Variants in PEA15 observed in about 807,000 individuals in gnomAD.
The protein encoded by PEA15 is astrocytic phosphoprotein PEA-15.
For synonymous variants in PEA15, 60 were observed against 61.8 expected (o/e 0.97, Z 0.13); for missense variants, 77 against 161.3 (o/e 0.48, Z 2.83).
intron 2 of PEA15, among the ~76,000 whole-genome samples, chr1:160,212,848 T>C (rs567447881): frequency 8.5e-5 from 13 of 152,262 alleles, no homozygotes; most frequent in Non-Finnish European, 1.6e-4. Flanking sequence ...GGAGCTAGTA[T>C]CTAAGCTAAA....
intron 1 of PEA15, among the ~76,000 whole-genome samples, chr1:160,209,793 C>T (rs888064136): frequency 1.3e-5 from 2 of 152,182 alleles, no homozygotes; most frequent in East Asian, 1.9e-4. Flanking sequence ...ACCCGTACCC[C>T]CCTCCTTCTG....
intron 1 of PEA15, among the ~76,000 whole-genome samples, chr1:160,207,844 T>C (rs1027353167): frequency 6.6e-5 from 10 of 152,156 alleles, no homozygotes; most frequent in Non-Finnish European, 1.0e-4. Flanking sequence ...CCCCTCTGCC[T>C]CTCCGTGATT....
rs1433406141 is a variant in PEA15 at position 160,208,521 on chromosome 1, A to G, written c.-3+2999A>G. On this transcript the variant is annotated intron_variant, in intron 1 of 3. Transcript: ENST00000360472. The surrounding 1 kb of genome is among the most constrained non-coding windows in gnomAD (Gnocchi z 4.1). ...TGAGCAGCTCTCTGCACTGCTCCAG[A>G]AATCAGGAGGATTTTTCAGAGCCCA... 1.5e-6 allele frequency: 2 copies of G among 1,298,222 alleles called. No homozygotes were observed. The highest frequency in any genetic ancestry group is 2.9e-5 in the African/African-American group (2 of 68,240). 80.4% of individuals were successfully genotyped at this position (1,298,222 alleles called of 1,614,324 possible). A position where few individuals can be genotyped will look rare whatever the true frequency, so the allele number is the denominator to read the frequency against.
rs1382252502 is a variant in PEA15 at position 160,215,137 on chromosome 1, C to T, written c.*1651C>T. ...CTGTCCTTCCATTTGGGATATGTTA[C>T]ATTAGAGTGAGAGAGAGAATAAGGA... On this transcript the variant is annotated 3_prime_UTR_variant, in exon 4 of 4. Coordinates refer to ENST00000360472, the MANE Select transcript of PEA15 (RefSeq NM_003768.5). 1 of 152,544 alleles carries T rather than the reference C, an allele frequency of 6.6e-6. No individual in the cohort carries two copies. The highest frequency in any genetic ancestry group is 1.9e-4 in the East Asian group (1 of 5,194). 9.4% of individuals were successfully genotyped at this position (152,544 alleles called of 1,614,324 possible).
chr1:160,208,739 A>G lies in PEA15; in HGVS notation c.-2-2804A>G. The stretch of plus-strand genomic sequence containing the variant: ...CTCCCTTTGCTTCTTCTGCCATACT[A>G]AGGCCTAGGCAAATGGATCTCTCCA... On this transcript the variant is annotated intron_variant, in intron 1 of 3. Transcript: ENST00000360472. The surrounding 1 kb of genome is among the most constrained non-coding windows in gnomAD (Gnocchi z 4.1). The G allele has an allele frequency of 7.7e-7, 1 of 1,304,480 alleles. No homozygotes were observed. The highest frequency in any genetic ancestry group is 1.1e-6 in the Non-Finnish European group (1 of 924,656). 80.8% of individuals were successfully genotyped at this position (1,304,480 alleles called of 1,614,324 possible). A position where few individuals can be genotyped will look rare whatever the true frequency, so the allele number is the denominator to read the frequency against.
chr1:160,207,322 G>C (rs1405608354), intron 1 of PEA15: 1 of 152,462 alleles, frequency 6.6e-6, no homozygotes, highest in Admixed American at 6.5e-5. Flanking sequence ...GGAAATGCAT[G>C]ACAAAGAGTG....
In PEA15 at chr1:160,208,752, A is replaced by G; in HGVS notation, c.-2-2791A>G. On this transcript the variant is annotated intron_variant, in intron 1 of 3. Coordinates refer to ENST00000360472, the MANE Select transcript of PEA15 (RefSeq NM_003768.5). The surrounding 1 kb of genome is among the most constrained non-coding windows in gnomAD (Gnocchi z 4.1). ...TTCTGCCATACTAAGGCCTAGGCAA[A>G]TGGATCTCTCCAAGAAGGGAGGCAA... 1 of 1,177,304 alleles carries G rather than the reference A, an allele frequency of 8.5e-7. No homozygotes were observed. The highest frequency in any genetic ancestry group is 1.2e-6 in the Non-Finnish European group (1 of 810,978). The allele number at this position is 1,177,304 out of a possible 1,614,324, so 72.9% of individuals were successfully genotyped here. A position where few individuals can be genotyped will look rare whatever the true frequency, so the allele number is the denominator to read the frequency against.
At chr1:160,207,017 CT>C (rs1217601141) in intron 1 of PEA15, 2 of 152,524 alleles carry the variant, frequency 1.3e-5, no homozygotes, top group Admixed American at 1.3e-4. Flanking sequence ...GCGCCTCACT[CT>C]CTCACACAGA....
At chr1:160,211,468 G>A in intron 1 of PEA15, 75 bp from the exon 2 acceptor site, 1 of 1,470,944 alleles carries the variant, frequency 6.8e-7, no homozygotes, top group African/African-American at 1.4e-5. Flanking sequence ...GGGAGTAGGA[G>A]GGTAGTGCCA....
At chr1:160,207,905 C>T (rs1477678971) in intron 1 of PEA15, among the ~76,000 whole-genome samples, 1 of 152,154 alleles carries the variant, frequency 6.6e-6, no homozygotes, top group Non-Finnish European at 1.5e-5. Flanking sequence ...TGGGAGTCCC[C>T]TCCTGCCCAA....
intron 2 of PEA15, among the ~76,000 whole-genome samples, chr1:160,212,528 C>T (rs769224263): frequency 7.9e-5 from 12 of 152,060 alleles, no homozygotes; most frequent in Non-Finnish European, 1.3e-4. Context: ...TACAGTTAGA[C>T]TGTATGGCAA....
intron 1 of PEA15, among the ~76,000 whole-genome samples, chr1:160,210,296 C>T (rs1654816030): frequency 6.6e-6 from 1 of 152,250 alleles, no homozygotes; most frequent in Non-Finnish European, 1.5e-5. Context: ...GCTGCTTGCC[C>T]ACCCCTTGGT....
chr1:160,213,620 G>C lies in PEA15; in HGVS notation c.*134G>C. On this transcript the variant is annotated 3_prime_UTR_variant, in exon 4 of 4. Coordinates refer to ENST00000360472, the MANE Select transcript of PEA15 (RefSeq NM_003768.5). This position sits in a 1 kb window ranked among gnomAD's most constrained non-coding sequence, Gnocchi z 5.3. ...TGGTCCTAACCCCCTTACTGTGCGC[G>C]TGTGTGTGCGTGTGCGCACGCTCTG... 9.5e-6 allele frequency: 6 copies of C among 632,038 alleles called. No homozygotes were observed. The highest frequency in any genetic ancestry group is 1.4e-5 in the Non-Finnish European group (5 of 357,198). 39.2% of individuals were successfully genotyped at this position (632,038 alleles called of 1,614,324 possible). A position where few individuals can be genotyped will look rare whatever the true frequency, so the allele number is the denominator to read the frequency against.
At position 160,208,887 on chromosome 1, in the gene PEA15, T is replaced by TG. The variant is rs1654724580; in HGVS notation, c.-2-2651dup. The TG allele has an allele frequency of 5.5e-6, 3 of 545,640 alleles. No homozygotes were observed. The highest frequency in any genetic ancestry group is 5.0e-4 in the Middle Eastern group (1 of 2,016). The allele number at this position is 545,640 out of a possible 1,614,324, so 33.8% of individuals were successfully genotyped here. On this transcript the variant is annotated intron_variant, in intron 1 of 3. Transcript: ENST00000360472. This position sits in a 1 kb window ranked among gnomAD's most constrained non-coding sequence, Gnocchi z 4.1. ...CATCTAGTGGTGTCATCCTAACGAC[T>TG]GGGGGTGGGGGGCACCCAGAACTGA...
chr1:160,211,809 A>G lies in PEA15; in HGVS notation c.172+93A>G. 2.5e-6 allele frequency: 3 copies of G among 1,206,804 alleles called. No individual in the cohort carries two copies. In the South Asian group the frequency reaches 4.2e-5, roughly 17 times the overall value. The allele number at this position is 1,206,804 out of a possible 1,614,324, so 74.8% of individuals were successfully genotyped here. A position where few individuals can be genotyped will look rare whatever the true frequency, so the allele number is the denominator to read the frequency against. Reference sequence around the variant, plus strand: ...TGAGCTCAAAGCTTTTACATCCACAATGTGTACCCCTCTATAGCAAGGCAG... The same window carrying G: ...TGAGCTCAAAGCTTTTACATCCACAGTGTGTACCCCTCTATAGCAAGGCAG... On this transcript the variant is annotated intron_variant, in intron 2 of 3. Coordinates refer to ENST00000360472, the MANE Select transcript of PEA15 (RefSeq NM_003768.5).
chr1:160,213,510 G>T lies in PEA15; in HGVS notation c.*24G>T. The stretch of plus-strand genomic sequence containing the variant: ...GAGCAAGGGGGAGGAAGAGGAGGAA[G>T]GTTGGACCTTCATCAGACCACTCCC... On this transcript the variant is annotated 3_prime_UTR_variant, in exon 4 of 4. Coordinates refer to ENST00000360472, the MANE Select transcript of PEA15 (RefSeq NM_003768.5). This position sits in a 1 kb window ranked among gnomAD's most constrained non-coding sequence, Gnocchi z 5.3. 1 of 1,608,946 alleles carries T rather than the reference G, an allele frequency of 6.2e-7. No individual in the cohort carries two copies. The highest frequency in any genetic ancestry group is 8.5e-7 in the Non-Finnish European group (1 of 1,175,540).
Position 160,208,415 on chromosome 1 carries a change from GC to G in PEA15, c.-3+2894del, listed in dbSNP as rs1340765208. 1.5e-5 allele frequency: 9 copies of G among 587,390 alleles called. No homozygotes were observed. The highest frequency in any genetic ancestry group is 2.4e-5 in the Non-Finnish European group (8 of 330,042). 36.4% of individuals were successfully genotyped at this position (587,390 alleles called of 1,614,324 possible). A position where few individuals can be genotyped will look rare whatever the true frequency, so the allele number is the denominator to read the frequency against. The stretch of plus-strand genomic sequence containing the variant: ...GGGAGGGAAGAGGACTGACTTCCTG[GC>G]AGCCGGGGCTCCGGTTCCTGATTCC... On this transcript the variant is annotated intron_variant, in intron 1 of 3. Coordinates refer to ENST00000360472, the MANE Select transcript of PEA15 (RefSeq NM_003768.5). The surrounding 1 kb of genome is among the most constrained non-coding windows in gnomAD (Gnocchi z 4.1).
In PEA15 at chr1:160,211,685, C is replaced by G. The variant is rs1362184616; in HGVS notation, c.141C>G (p.Ser47Arg). The G allele has an allele frequency of 6.2e-7, 1 of 1,613,872 alleles. No homozygotes were observed. The highest frequency in any genetic ancestry group is 2.2e-5 in the East Asian group (1 of 44,880). ...TCACTACTGGCAGTGCCTGGTTTAGCTTCCTGGAGAGCCACAACAAGCTGG... is the reference window on the plus strand; with the variant it reads ...TCACTACTGGCAGTGCCTGGTTTAGGTTCCTGGAGAGCCACAACAAGCTGG... ...EEITTGSAWF[S>R]FLESHNKLDK... Residue 47 changes from serine (S) to arginine (R), a missense_variant, in exon 2 of 4, where the codon AGC becomes AGG. Coordinates refer to ENST00000360472, the MANE Select transcript of PEA15 (RefSeq NM_003768.5).
rs1298231502 is a variant in PEA15, at chr1:160,205,949, C to A, written c.-3+427C>A. Reference sequence around the variant, plus strand: ...GTGCCCTCACCCCCAGCTCACTGCACCTGGGGAAGAGGTGGGCTTGGCGGA... The same window carrying A: ...GTGCCCTCACCCCCAGCTCACTGCAACTGGGGAAGAGGTGGGCTTGGCGGA... On this transcript the variant is annotated intron_variant, in intron 1 of 3. Coordinates refer to ENST00000360472, the MANE Select transcript of PEA15 (RefSeq NM_003768.5). The surrounding 1 kb of genome is among the most constrained non-coding windows in gnomAD (Gnocchi z 5.9). 1 of 152,246 alleles carries A rather than the reference C, an allele frequency of 6.6e-6. No homozygotes were observed. Among genetic ancestry groups the A allele is most frequent in the Admixed American group, 6.5e-5 (1 of 15,288 alleles). 9.4% of individuals were successfully genotyped at this position (152,246 alleles called of 1,614,324 possible).
Sources: allele counts gnomAD v4.1 joint callset (sites outside exome capture counted in the v4.1 genomes callset), GRCh38; gene constraint gnomAD v4.1.1; non-coding constraint Gnocchi (gnomAD v3.1); transcripts MANE v1.5; gene names NCBI Gene and HGNC (gene_info 2026-07-23, HGNC 2026-07-21).